The following SYNE1 variants were observed in gnomAD, a reference collection of about 807,000 sequenced individuals.
SYNE1 encodes the protein nesprin-1.
Under a neutral mutation model 1,111.0 loss-of-function variants are expected in SYNE1, and 616 were observed. The observed-to-expected ratio is 0.55, with a 90% confidence interval of 0.52 to 0.59. The LOEUF (loss-of-function observed/expected upper bound fraction) is 0.59, where lower values mean the gene tolerates loss of function less well. SYNE1 is among the 20% of genes least tolerant of loss of function. SYNE1 has a pLI of 0.00. For missense variants in SYNE1, 10,006 were observed against 10,417.0 expected, an observed-to-expected ratio of 0.96 and a Z score of 1.72; for synonymous variants, 3,855 against 3,825.8, an observed-to-expected ratio of 1.01 and a Z score of -0.28.
intron 39 of SYNE1, among the ~76,000 whole-genome samples, chr6:152,422,361 C>A (rs1395860897): frequency 6.6e-6 from 1 of 152,220 alleles, no homozygotes; most frequent in Non-Finnish European, 1.5e-5. Flanking sequence ...TGGGACACAG[C>A]TATTTAACTG....
intron 62 of SYNE1, among the ~76,000 whole-genome samples, chr6:152,365,728 G>A (rs2097063248): frequency 6.6e-6 from 1 of 151,794 alleles, no homozygotes; most frequent in Non-Finnish European, 1.5e-5. Context: ...CCAAAGTGCT[G>A]GGATTGTAAG....
At chr6:152,413,713 TA>T (rs1202856297) in intron 41 of SYNE1, among the ~76,000 whole-genome samples, 182 bp from the exon 42 acceptor site, 2 of 152,144 alleles carry the variant, frequency 1.3e-5, no homozygotes, top group Non-Finnish European at 2.9e-5. Flanking sequence ...TTTTGCAAAA[TA>T]ACTCAGACTG....
At chr6:152,427,157 A>T (rs756367960) in intron 38 of SYNE1, among the ~76,000 whole-genome samples, 2 of 152,230 alleles carry the variant, frequency 1.3e-5, no homozygotes, top group African/African-American at 4.8e-5. Flanking sequence ...TTCTTCAAGT[A>T]TGAAATAAAC....
intron 53 of SYNE1, among the ~76,000 whole-genome samples, chr6:152,389,546 G>A (rs2097576206): frequency 6.6e-6 from 1 of 152,140 alleles, no homozygotes; most frequent in Admixed American, 6.5e-5. Context: ...TCCAACAAAT[G>A]AGCCAGATTA....
intron 100 of SYNE1, among the ~76,000 whole-genome samples, chr6:152,263,260 G>T (rs2092290423): frequency 6.6e-6 from 1 of 152,156 alleles, no homozygotes; most frequent in East Asian, 1.9e-4. Flanking sequence ...AGGACACAGA[G>T]AGACAGTACA....
intron 87 of SYNE1, 33 bp from the exon 88 acceptor site, chr6:152,310,906 C>G: frequency 6.2e-7 from 1 of 1,603,800 alleles, no homozygotes; most frequent in Non-Finnish European, 8.5e-7. Flanking sequence ...ATGACATTGA[C>G]GGGCAGGTAG....
At chr6:152,449,451 A>T (rs1486438627) in intron 28 of SYNE1, 82 bp downstream of exon 28, 2 of 1,072,788 alleles carry the variant, frequency 1.9e-6, no homozygotes, top group African/African-American at 1.6e-5. Context: ...AGAAAGAAAA[A>T]AGCAGAGAAC....
intron 97 of SYNE1, 97 bp from the exon 98 acceptor site, chr6:152,278,377 G>C: frequency 7.2e-7 from 1 of 1,382,274 alleles, no homozygotes; most frequent in Non-Finnish European, 1.0e-6. Context: ...AGTCTTTTAC[G>C]AAACGGACAG....
At chr6:152,188,776 G>A (rs2071031967) in intron 128 of SYNE1, among the ~76,000 whole-genome samples, 1 of 151,146 alleles carries the variant, frequency 6.6e-6, no homozygotes, top group Admixed American at 6.6e-5. Flanking sequence ...GGCTAACACG[G>A]TGAAACCCCA....
At chr6:152,456,524 A>G (rs2098697402) in intron 22 of SYNE1, 1 of 186,034 alleles carries the variant, frequency 5.4e-6, no homozygotes, top group South Asian at 1.0e-4. Flanking sequence ...CTAAATTTAT[A>G]ATATTTGAAG....
chr6:152,185,615 C>G (rs1386418239), intron 128 of SYNE1, among the ~76,000 whole-genome samples: 2 of 152,198 alleles, frequency 1.3e-5, no homozygotes, highest in Admixed American at 1.3e-4. Flanking sequence ...TACGCTTTAG[C>G]TTCAAGCATT....
At position 152,330,120 on chromosome 6, in the gene SYNE1, C is replaced by T. The variant is rs1237053788; in HGVS notation, c.14565G>A (p.Arg4855=). 4 of 1,614,204 alleles carry T rather than the reference C, an allele frequency of 2.5e-6. No homozygotes were observed. Among genetic ancestry groups the T allele is most frequent in the African/African-American group, 1.3e-5 (1 of 75,044 alleles). ...HLDPLAYEKA[R]HQIQSWQGEL... is the part of the protein sequence containing the mutation. ...CCCCTTGCCAGGACTGGATCTGATGCCTGGCTTTCTCATAAGCCAAGGGGT... is the reference window on the plus strand; with the variant it reads ...CCCCTTGCCAGGACTGGATCTGATGTCTGGCTTTCTCATAAGCCAAGGGGT... Residue 4855 remains arginine (R), a synonymous_variant, in exon 78 of 146, where the codon AGG becomes AGA. Coordinates refer to ENST00000367255, the MANE Select transcript of SYNE1 (RefSeq NM_182961.4).
intron 117 of SYNE1, among the ~76,000 whole-genome samples, chr6:152,222,757 T>C (rs146474080): frequency 1.2e-3 from 185 of 152,310 alleles, no homozygotes; most frequent in Middle Eastern, 0.01. Context: ...AAGAAAGATG[T>C]TGATCAAAAG....
chr6:152,571,525 G>A (rs1322395327), intron 3 of SYNE1, among the ~76,000 whole-genome samples: 1 of 152,068 alleles, frequency 6.6e-6, no homozygotes, highest in East Asian at 1.9e-4. Flanking sequence ...CATGATGAAG[G>A]GGGAGGATTT....
At chr6:152,220,634 A>G (rs1406413068) in intron 119 of SYNE1, among the ~76,000 whole-genome samples, 1 of 152,210 alleles carries the variant, frequency 6.6e-6, no homozygotes, top group African/African-American at 2.4e-5. Flanking sequence ...AACTCATTTT[A>G]AAAAATAAAA....
rs2095513021 is a variant in SYNE1 at position 152,310,442 on chromosome 6, G to A, written c.16973C>T (p.Pro5658Leu). 1.2e-6 allele frequency: 2 copies of A among 1,614,116 alleles called. No individual in the cohort carries two copies. Among genetic ancestry groups the A allele is most frequent in the South Asian group, 1.1e-5 (1 of 91,074 alleles). ...LEQAQATLTS[P>L]EVGRLSLKEQ... is the part of the protein sequence containing the mutation. ...CTTGAGACTGAGACGTCCAACTTCT[G>A]GAGAAGTCAGTGTTGCCTGGGCTTG... Residue 5658 changes from proline to leucine, a missense_variant, in exon 89 of 146, where the codon CCA becomes CTA. This residue lies in a region of SYNE1 where 4,955 missense variants were observed against 5,017.2 expected (regional missense o/e 0.99). Coordinates refer to ENST00000367255, the MANE Select transcript of SYNE1 (RefSeq NM_182961.4).
At chr6:152,168,045 G>A (rs78594564) in intron 130 of SYNE1, 23,177 of 780,562 alleles carry the variant, frequency 0.03, 648 homozygotes, top group East Asian at 0.13. Context: ...GGCTTCCAGC[G>A]TCTATCCTAC....
chr6:152,329,927 T>A lies in SYNE1; in HGVS notation c.14758A>T (p.Ile4920Phe), dbSNP rs555355654. ...PVYLDLNLQD[I>F]QEEIRKIQIH... ...TGGATTTTTCTGATTTCCTCTTGGATGTCCTGCAGGTTGAGGTCTAGGTAC... is the reference window on the plus strand; with the variant it reads ...TGGATTTTTCTGATTTCCTCTTGGAAGTCCTGCAGGTTGAGGTCTAGGTAC... Residue 4920 changes from isoleucine to phenylalanine, a missense_variant, in exon 78 of 146, where the codon ATC becomes TTC. Ile to Phe is a conservative substitution (Grantham distance 21). Coordinates refer to ENST00000367255, the MANE Select transcript of SYNE1 (RefSeq NM_182961.4). The A allele has an allele frequency of 3.7e-6, 6 of 1,614,088 alleles. No homozygotes were observed. The highest frequency in any genetic ancestry group is 5.1e-6 in the Non-Finnish European group (6 of 1,180,050).
At chr6:152,436,213 C>T in intron 32 of SYNE1, 112 bp from the exon 33 acceptor site, 1 of 1,118,370 alleles carries the variant, frequency 8.9e-7, no homozygotes, top group South Asian at 1.5e-5. Context: ...GACATAGAGT[C>T]ATACATGTAT....
Sources: gnomAD v4.1 joint callset for allele counts (sites outside exome capture counted in the v4.1 genomes callset) on GRCh38, gnomAD v4.1.1 for gene constraint, gnomAD v4.1.1 regional missense constraint, MANE v1.5 for transcripts, NCBI Gene and HGNC (gene_info 2026-07-23, HGNC 2026-07-21) for gene names.